The following NELL1 variants were observed in gnomAD, a reference collection of about 807,000 sequenced individuals.
The protein encoded by NELL1 is neural EGFL like 1.
In NELL1, 76 loss-of-function variants were observed where a neutral mutation model predicts 107.4. The ratio of observed to expected loss-of-function variants is 0.71; its 90% CI spans 0.59 to 0.86. The LOEUF is 0.86. Ranked by LOEUF, NELL1 falls within the 40% of genes least tolerant of loss-of-function variation. The probability of loss-of-function intolerance (pLI) is 0.00; values close to 1 mark genes in which losing one functional copy is unlikely to be tolerated. For synonymous variants in NELL1, 353 were observed against 341.2 expected (o/e 1.03, Z -0.38); for missense variants, 1,024 against 1,005.5 (o/e 1.02, Z -0.25).
At chr11:21,149,736 G>A (rs998372822) in intron 13 of NELL1, among the ~76,000 whole-genome samples, 6 of 152,142 alleles carry the variant, frequency 3.9e-5, no homozygotes, top group South Asian at 2.1e-4. Context: ...CCCAATAGGC[G>A]TAAATAAATG....
chr11:21,327,162 GTT>G (rs369129791), intron 14 of NELL1, among the ~76,000 whole-genome samples: 14,436 of 96,828 alleles, frequency 0.15, 1,715 homozygotes, highest in Non-Finnish European at 0.17. Context: ...GAGATCTGAT[GTT>G]TTTTTTTTTT....
chr11:20,792,572 CTG>C (rs1450368333), intron 3 of NELL1, among the ~76,000 whole-genome samples: 1 of 151,844 alleles, frequency 6.6e-6, no homozygotes, highest in Non-Finnish European at 1.5e-5. Flanking sequence ...AAAAGAATAG[CTG>C]TTATATTTTA....
intron 18 of NELL1, among the ~76,000 whole-genome samples, chr11:21,572,894 G>A (rs75514056): frequency 0.11 from 16,489 of 151,846 alleles, 2,949 homozygotes; most frequent in African/African-American, 0.37. Flanking sequence ...GTGGAATTGT[G>A]CTAATTATGA....
At chr11:21,449,153 A>G in intron 15 of NELL1, among the ~76,000 whole-genome samples, 1 of 152,208 alleles carries the variant, frequency 6.6e-6, no homozygotes, top group South Asian at 2.1e-4. Flanking sequence ...GAAATTGATT[A>G]CACTATTTTG....
At chr11:21,377,302 T>C (rs1403764920) in intron 15 of NELL1, among the ~76,000 whole-genome samples, 2 of 152,142 alleles carry the variant, frequency 1.3e-5, no homozygotes, top group Non-Finnish European at 2.9e-5. Context: ...ATGGAGATAA[T>C]CATATGGTTT....
At chr11:21,447,596 C>G (rs959822227) in intron 15 of NELL1, among the ~76,000 whole-genome samples, 1 of 152,134 alleles carries the variant, frequency 6.6e-6, no homozygotes, top group Non-Finnish European at 1.5e-5. Flanking sequence ...AAGACAAAGT[C>G]GACTTTTCTC....
rs565120624 is a variant in NELL1 at position 21,501,856 on chromosome 11, CTTT to C, written c.1646-32516_1646-32514del. 4.9e-3 allele frequency among the ~76,000 whole-genome samples: 748 copies of C among 152,192 alleles called. 9 individuals carry two copies. Among genetic ancestry groups the C allele is most frequent in the African/African-American group, 0.017 (715 of 41,508 alleles). On this transcript the variant is annotated intron_variant, in intron 15 of 19. Coordinates refer to ENST00000357134, the MANE Select transcript of NELL1 (RefSeq NM_006157.5). ...TGTATTTGTTTATGTTGTATAGTTC[CTTT>C]TGCTGGCCTTGCCCCTTCTCTGGCA... is the stretch of plus-strand genomic sequence containing the variant.
At chr11:20,781,989 C>T (rs1040102013) in intron 2 of NELL1, among the ~76,000 whole-genome samples, 4 of 150,114 alleles carry the variant, frequency 2.7e-5, no homozygotes, top group Non-Finnish European at 4.4e-5. Flanking sequence ...TGCAGTGAGC[C>T]GAGATCATGC....
chr11:20,886,641 G>T (rs947730109), intron 5 of NELL1, among the ~76,000 whole-genome samples: 24 of 152,062 alleles, frequency 1.6e-4, no homozygotes, highest in African/African-American at 5.1e-4. Context: ...TCACAGGTGG[G>T]AGTTGAACAA....
intron 14 of NELL1, among the ~76,000 whole-genome samples, chr11:21,367,078 CTCTT>C (rs1851238867): frequency 6.6e-6 from 1 of 151,698 alleles, no homozygotes; most frequent in Non-Finnish European, 1.5e-5. Context: ...AAAAAAAGTA[CTCTT>C]TCTGTGGATT....
chr11:20,892,345 T>A (rs1306038658), intron 5 of NELL1, among the ~76,000 whole-genome samples: 5 of 152,096 alleles, frequency 3.3e-5, no homozygotes, highest in African/African-American at 1.2e-4. Flanking sequence ...GTACCAGAAC[T>A]GATTATCAGA....
At chr11:21,353,096 T>C (rs915832536) in intron 14 of NELL1, among the ~76,000 whole-genome samples, 1 of 152,122 alleles carries the variant, frequency 6.6e-6, no homozygotes, top group African/African-American at 2.4e-5. Context: ...AGATGAACAT[T>C]ATGGAAACTT....
intron 3 of NELL1, among the ~76,000 whole-genome samples, chr11:20,821,029 A>G (rs1012354808): frequency 1.3e-5 from 2 of 152,206 alleles, no homozygotes; most frequent in Non-Finnish European, 1.5e-5. Context: ...TAGATGCCCC[A>G]TCAATATTTG....
intron 14 of NELL1, among the ~76,000 whole-genome samples, chr11:21,232,884 C>T (rs774667876): frequency 2.0e-5 from 3 of 152,120 alleles, no homozygotes; most frequent in Non-Finnish European, 4.4e-5. Flanking sequence ...AACTCCTGAC[C>T]TCAAGTGATT....
chr11:21,279,801 A>G (rs1848951681), intron 14 of NELL1, among the ~76,000 whole-genome samples: 1 of 152,208 alleles, frequency 6.6e-6, no homozygotes, highest in Non-Finnish European at 1.5e-5. Context: ...TAACCACCCA[A>G]ACTTGGAAGC....
chr11:20,934,302 C>T (rs1850678191), intron 9 of NELL1, among the ~76,000 whole-genome samples: 1 of 152,188 alleles, frequency 6.6e-6, no homozygotes, highest in South Asian at 2.1e-4. Flanking sequence ...TACATACATT[C>T]TGCACTAGTG....
chr11:21,060,183 G>A (rs1461272474), intron 12 of NELL1, among the ~76,000 whole-genome samples: 1 of 152,096 alleles, frequency 6.6e-6, no homozygotes, highest in African/African-American at 2.4e-5. Flanking sequence ...CACAGCTATG[G>A]CTCTGAACTC....
At chr11:21,307,773 G>T (rs1465779493) in intron 14 of NELL1, among the ~76,000 whole-genome samples, 1 of 151,896 alleles carries the variant, frequency 6.6e-6, no homozygotes, top group Non-Finnish European at 1.5e-5. Flanking sequence ...TTTCAAAAGA[G>T]AGGCCTATAT....
intron 2 of NELL1, among the ~76,000 whole-genome samples, chr11:20,680,193 TGTAAG>T: frequency 6.6e-6 from 1 of 152,270 alleles, no homozygotes; most frequent in Middle Eastern, 3.4e-3. Flanking sequence ...CCTTCTGTCA[TGTAAG>T]GTAACATAAT....
Sources: gnomAD v4.1 joint callset for allele counts (sites outside exome capture counted in the v4.1 genomes callset) on GRCh38, gnomAD v4.1.1 for gene constraint, MANE v1.5 for transcripts, NCBI Gene and HGNC (gene_info 2026-07-23, HGNC 2026-07-21) for gene names.